CARS1: variants seen among roughly 807,000 people sequenced by gnomAD.
CARS1 encodes the protein cysteinyl-tRNA synthetase 1, also known as cysteine--tRNA ligase, cytoplasmic.
Under a neutral mutation model 106.2 loss-of-function variants are expected in CARS1, and 48 were observed. That is an observed-to-expected ratio of 0.45 (90% CI 0.36 to 0.57). CARS1 has a LOEUF of 0.57. Among genes scored for constraint, CARS1 ranks in the 20% least tolerant of loss-of-function variants. The pLI is 0.00. For synonymous variants in CARS1, 409 were observed against 403.4 expected, an observed-to-expected ratio of 1.01 and a Z score of -0.17; for missense variants, 968 against 1,057.2, an observed-to-expected ratio of 0.92 and a Z score of 1.17.
intron 7 of CARS1, among the ~76,000 whole-genome samples, chr11:3,032,044 CTCCCTCCCTCCCTCCCTCCTTCCTTCCT>C (rs1316287493): frequency 2.9e-3 from 52 of 18,194 alleles, no homozygotes; most frequent in African/African-American, 8.3e-3. Flanking sequence ...CCCTCCCTCC[CTCCCTCCCTCCCTCCCTCCTTCCTTCCT>C]TCCTTCCTTC....
chr11:3,047,820 C>T lies in CARS1; in HGVS notation c.207G>A (p.Trp69Ter), dbSNP rs756061751. ...CCAGGAGCGCTTCTATGTGCCTGAA[C>T]CACCGAGCCACGTGGAAGAGCTGGG... ...ADPQLFHVAR[W>*]FRHIEALLGS... The change falls in exon 2 of 23, where the codon TGG becomes TGA. Residue 69 changes from tryptophan to a stop codon, truncating the protein, a stop_gained. Transcript: ENST00000380525. LOFTEE classifies it high-confidence loss of function. 6.2e-7 allele frequency: 1 copy of T among 1,614,182 alleles called. No individual in the cohort carries two copies. Among genetic ancestry groups the T allele is most frequent in the South Asian group, 1.1e-5 (1 of 91,086 alleles).
Position 3,028,143 on chromosome 11 carries a change from C to A in CARS1, c.1031+853G>T. On this transcript the variant is annotated intron_variant, in intron 9 of 22. Coordinates refer to ENST00000380525, the MANE Select transcript of CARS1 (RefSeq NM_001014437.3). The surrounding 1 kb of genome is among the most constrained non-coding windows in gnomAD (Gnocchi z 4.4). ...GGCGTAAGCTGCCTCTCTCTGTCTC[C>A]TCTCTCTCTCTGCCTTGGCTGCCAG... is the stretch of plus-strand genomic sequence containing the variant. 1 of 243,034 alleles carries A rather than the reference C, an allele frequency of 4.1e-6. No individual in the cohort carries two copies. Among genetic ancestry groups the A allele is most frequent in the South Asian group, 4.4e-5 (1 of 22,698 alleles). 15.1% of individuals were successfully genotyped at this position (243,034 alleles called of 1,614,324 possible). A position where few individuals can be genotyped will look rare whatever the true frequency, so the allele number is the denominator to read the frequency against.
intron 10 of CARS1, among the ~76,000 whole-genome samples, chr11:3,024,046 C>G (rs1350800483): frequency 6.6e-6 from 1 of 152,178 alleles, no homozygotes; most frequent in Non-Finnish European, 1.5e-5. Flanking sequence ...GCATGCGCCA[C>G]CACACCCGGC....
chr11:3,039,931 C>A lies in CARS1; in HGVS notation c.456G>T (p.Arg152Ser), dbSNP rs577001867. Reference sequence around the variant, plus strand: ...TCAAGATATCAAAAGAGATGTAGGACCTAAAGCAATGAAAAAACAAACATT... The same window carrying A: ...TCAAGATATCAAAAGAGATGTAGGAACTAAAGCAATGAAAAAACAAACATT... Reference protein sequence around the residue: ...VYDASHMGHARSYISFDILRR... With the variant: ...VYDASHMGHASSYISFDILRR... The change falls in exon 5 of 23, where the codon AGG (arginine) becomes AGT (serine). Residue 152 changes from arginine (R) to serine (S), a missense_variant and splice_region_variant. Physicochemically the swap from Arg to Ser is moderately radical, Grantham distance 110. Coordinates refer to ENST00000380525, the MANE Select transcript of CARS1 (RefSeq NM_001014437.3). This position sits in a 1 kb window ranked among gnomAD's most constrained non-coding sequence, Gnocchi z 5.6. The A allele has an allele frequency of 2.6e-6, 4 of 1,535,454 alleles. No individual in the cohort carries two copies. Among genetic ancestry groups the A allele is most frequent in the Non-Finnish European group, 3.5e-6 (4 of 1,129,688 alleles).
At chr11:3,002,337 C>G (rs1046520486) in intron 21 of CARS1, 10 of 904,648 alleles carry the variant, frequency 1.1e-5, no homozygotes, top group Non-Finnish European at 1.7e-5. Context: ...CATGGCACAG[C>G]CTTCCCCTTG....
chr11:3,039,273 T>C lies in CARS1; in HGVS notation c.572A>G (p.Gln191Arg). Residue 191 changes from glutamine (Q) to arginine (R), a missense_variant, in exon 6 of 23, where the codon CAG becomes CGG. By Grantham distance (43) the Gln-to-Arg change is conservative. Transcript: ENST00000380525. This position sits in a 1 kb window ranked among gnomAD's most constrained non-coding sequence, Gnocchi z 5.6. ...CCGATACTGCTCGAACAGGTGGTTC[T>C]GCCGGGCCCTCTTGATGATCTGGGG... ...IDDKIIKRAR[Q>R]NHLFEQYREK... 6.2e-7 allele frequency: 1 copy of C among 1,613,064 alleles called. No individual in the cohort carries two copies.
rs191443996 is a variant in CARS1, at chr11:3,025,455, C to T, written c.1153+1221G>A. Among the ~76,000 whole-genome samples, 33 of 152,248 alleles carry T rather than the reference C, an allele frequency of 2.2e-4. 1 individual carries two copies. The highest frequency in any genetic ancestry group is 7.2e-4 in the African/African-American group (30 of 41,552). On this transcript the variant is annotated intron_variant, in intron 10 of 22. Transcript: ENST00000380525. ...GTTGGCCAGGCTGGTCTCGAACTCC[C>T]AACCTCAGGTGATCCACCCACCTCG... is the stretch of plus-strand genomic sequence containing the variant.
chr11:3,029,613 AG>A lies in CARS1; in HGVS notation c.802-171del. The A allele has an allele frequency of 1.5e-6, 1 of 646,552 alleles. No individual in the cohort carries two copies. The highest frequency in any genetic ancestry group is 2.7e-5 in the East Asian group (1 of 36,448). The allele number at this position is 646,552 out of a possible 1,614,324, so 40.1% of individuals were successfully genotyped here. ...GTGATGCTTACACAACTGGCTCGGC[AG>A]GGACAAATACAAGACTCTACAAATG... On this transcript the variant is annotated intron_variant, in intron 7 of 22. Transcript: ENST00000380525. The surrounding 1 kb of genome is among the most constrained non-coding windows in gnomAD (Gnocchi z 5.9).
chr11:3,002,626 G>T, intron 20 of CARS1, 26 bp from the exon 21 acceptor site: 1 of 1,613,766 alleles, frequency 6.2e-7, no homozygotes, highest in Non-Finnish European at 8.5e-7. Flanking sequence ...AGAGCCAGAT[G>T]AGACAGGGCT....
rs1458021010 is a variant in CARS1 at position 3,045,859 on chromosome 11, T to C, written c.274+1894A>G. 6.6e-6 allele frequency among the ~76,000 whole-genome samples: 1 copy of C among 152,186 alleles called. No homozygotes were observed. Among genetic ancestry groups the C allele is most frequent in the Non-Finnish European group, 1.5e-5 (1 of 68,026 alleles). Reference sequence around the variant, plus strand: ...GGAGGGAGATCCACAGCTACTGTCATCCCAGGGACATGGGCGAGGACACTA... The same window carrying C: ...GGAGGGAGATCCACAGCTACTGTCACCCCAGGGACATGGGCGAGGACACTA... On this transcript the variant is annotated intron_variant, in intron 2 of 22. Transcript: ENST00000380525. The surrounding 1 kb of genome is among the most constrained non-coding windows in gnomAD (Gnocchi z 5.6).
At chr11:3,006,114 C>G (rs1392365192) in intron 19 of CARS1, among the ~76,000 whole-genome samples, 1 of 152,130 alleles carries the variant, frequency 6.6e-6, no homozygotes, top group African/African-American at 2.4e-5. Context: ...CGCATGTATC[C>G]AAATATCACA....
Position 3,018,460 on chromosome 11 carries a change from T to C in CARS1, c.1577A>G (p.Asp526Gly). 1 of 1,614,154 alleles carries C rather than the reference T, an allele frequency of 6.2e-7. No individual in the cohort carries two copies. The highest frequency in any genetic ancestry group is 8.5e-7 in the Non-Finnish European group (1 of 1,180,010). Reference protein sequence around the residue: ...FLMHSWKDTLDYSSNTMESAL... With the variant: ...FLMHSWKDTLGYSSNTMESAL... ...TGACTCCATGGTGTTGCTGGAGTAG[T>C]CCAGGGTGTCCTTCCACGAGTGCAT... Residue 526 changes from aspartate (D) to glycine (G), a missense_variant, in exon 14 of 23, where the codon GAC (aspartate) becomes GGC (glycine). Transcript: ENST00000380525.
intron 18 of CARS1, among the ~76,000 whole-genome samples, chr11:3,010,981 G>A (rs561813242): frequency 1.1e-4 from 16 of 152,356 alleles, no homozygotes; most frequent in South Asian, 4.1e-4. Flanking sequence ...GCCCCCTGGG[G>A]AGGGAGAATT....
In CARS1 at chr11:3,048,103, G is replaced by A. The variant is rs1855298545; in HGVS notation, c.26-102C>T. The A allele has an allele frequency of 3.1e-5, 44 of 1,424,958 alleles. No individual in the cohort carries two copies. Among genetic ancestry groups the A allele is most frequent in the Non-Finnish European group, 4.2e-5 (44 of 1,056,986 alleles). 88.3% of individuals were successfully genotyped at this position (1,424,958 alleles called of 1,614,324 possible). A position where few individuals can be genotyped will look rare whatever the true frequency, so the allele number is the denominator to read the frequency against. On this transcript the variant is annotated intron_variant, in intron 1 of 22. Coordinates refer to ENST00000380525, the MANE Select transcript of CARS1 (RefSeq NM_001014437.3). The surrounding 1 kb of genome is among the most constrained non-coding windows in gnomAD (Gnocchi z 5.1). ...GGATGGCACAGAACCAAGGAAAAAG[G>A]TGTTCAAGCCCTTCCCTGGACGCCA...
chr11:3,006,956 G>C lies in CARS1; in HGVS notation c.2072C>G (p.Pro691Arg). 1 of 1,613,764 alleles carries C rather than the reference G, an allele frequency of 6.2e-7. No individual in the cohort carries two copies. Among genetic ancestry groups the C allele is most frequent in the South Asian group, 1.1e-5 (1 of 91,084 alleles). ...VRKIAREQKV[P>R]EILQLSDALR... ...GGCATCGCTGAGCTGCAGAATCTCAGGGACTGTAGGAGAAGCAGAGCAGTT... is the reference window on the plus strand; with the variant it reads ...GGCATCGCTGAGCTGCAGAATCTCACGGACTGTAGGAGAAGCAGAGCAGTT... The change falls in exon 19 of 23, where the codon CCT becomes CGT. Residue 691 changes from proline to arginine, a missense_variant. Physicochemically the swap from Pro to Arg is moderately radical, Grantham distance 103 (BLOSUM62 -2). Coordinates refer to ENST00000380525, the MANE Select transcript of CARS1 (RefSeq NM_001014437.3).
At chr11:3,057,217 A>AGCT (rs1856306337) in intron 1 of CARS1, 126 bp downstream of exon 1, 1 of 816,550 alleles carries the variant, frequency 1.2e-6, no homozygotes, top group African/African-American at 1.7e-5. Flanking sequence ...CCACGGACAC[A>AGCT]GCTGCCCCTC....
chr11:3,009,744 G>A (rs1357655092), intron 18 of CARS1, among the ~76,000 whole-genome samples: 1 of 152,160 alleles, frequency 6.6e-6, no homozygotes, highest in Non-Finnish European at 1.5e-5. Flanking sequence ...TATTTCCAGG[G>A]GAAACAGTTT....
chr11:3,003,658 G>A lies in CARS1; in HGVS notation c.2218-1058C>T, dbSNP rs1189957611. On this transcript the variant is annotated intron_variant, in intron 20 of 22. Coordinates refer to ENST00000380525, the MANE Select transcript of CARS1 (RefSeq NM_001014437.3). This position sits in a 1 kb window ranked among gnomAD's most constrained non-coding sequence, Gnocchi z 4.8. ...TCGAGCTCTTTCGAGATAGATGGAG[G>A]GAGAGCAGGGCTGGCCGAGGGAAAG... 1.3e-5 allele frequency among the ~76,000 whole-genome samples: 2 copies of A among 152,190 alleles called. No homozygotes were observed. Among genetic ancestry groups the A allele is most frequent in the Non-Finnish European group, 2.9e-5 (2 of 68,020 alleles).
At position 3,019,136 on chromosome 11, in the gene CARS1, T is replaced by C; in HGVS notation, c.1395+3A>G. The C allele has an allele frequency of 6.6e-7, 1 of 1,510,398 alleles. No individual in the cohort carries two copies. Among genetic ancestry groups the C allele is most frequent in the Non-Finnish European group, 8.8e-7 (1 of 1,134,266 alleles). 93.6% of individuals were successfully genotyped at this position (1,510,398 alleles called of 1,614,324 possible). On this transcript the variant is annotated splice_donor_region_variant and intron_variant, in intron 12 of 22. Coordinates refer to ENST00000380525, the MANE Select transcript of CARS1 (RefSeq NM_001014437.3). The surrounding 1 kb of genome is among the most constrained non-coding windows in gnomAD (Gnocchi z 6.2). ...CTGACAAGGGGACTCTGTTTTCACC[T>C]ACCTCCGACTGTGCCAGCTCATTGT...
Sources: allele counts gnomAD v4.1 joint callset (sites outside exome capture counted in the v4.1 genomes callset), GRCh38; gene constraint gnomAD v4.1.1; non-coding constraint Gnocchi (gnomAD v3.1); transcripts MANE v1.5; gene names NCBI Gene and HGNC (gene_info 2026-07-23, HGNC 2026-07-21).